Variants in IGF2BP2 observed in about 807,000 individuals in gnomAD.
IGF2BP2 encodes the protein insulin-like growth factor 2 mRNA-binding protein 2.
A neutral mutation model predicts 75.8 loss-of-function variants in IGF2BP2; 17 were observed. The observed-to-expected ratio is 0.22, with a 90% confidence interval of 0.15 to 0.34. IGF2BP2 has a LOEUF of 0.34. Ranked by LOEUF, IGF2BP2 falls within the 10% of genes least tolerant of loss-of-function variation. The pLI is 1.00. For missense variants in IGF2BP2, 516 were observed against 772.4 expected (o/e 0.67, Z 3.93); for synonymous variants, 288 against 295.6 (o/e 0.97, Z 0.26).
At chr3:185,782,403 A>G (rs1735329923) in intron 2 of IGF2BP2, among the ~76,000 whole-genome samples, 1 of 152,112 alleles carries the variant, frequency 6.6e-6, no homozygotes, top group African/African-American at 2.4e-5. Flanking sequence ...CAACTAGACT[A>G]GAAGCATCAT....
At chr3:185,679,447 TTA>T (rs1379127142) in intron 7 of IGF2BP2, among the ~76,000 whole-genome samples, 1 of 152,184 alleles carries the variant, frequency 6.6e-6, no homozygotes. Flanking sequence ...TAACATAGAT[TTA>T]TAGTTAAAAA....
At position 185,687,061 on chromosome 3, in the gene IGF2BP2, T is replaced by C; in HGVS notation, c.808A>G (p.Lys270Glu). 6.2e-7 allele frequency: 1 copy of C among 1,612,380 alleles called. No individual in the cohort carries two copies. Among genetic ancestry groups the C allele is most frequent in the Non-Finnish European group, 8.5e-7 (1 of 1,179,778 alleles). The change falls in exon 7 of 16, where the codon AAA becomes GAA. Residue 270 changes from lysine (K) to glutamate (E), a missense_variant. Lys to Glu is a moderately conservative substitution (Grantham distance 56). Transcript: ENST00000382199. ...EIMQKEADET[K>E]LAEEIPLKIL... The stretch of plus-strand genomic sequence containing the variant: ...GGGCATTGCATGCAAACTTACAGTT[T>C]GGTCTCATCTGCCTCTTTCTGCATG...
intron 2 of IGF2BP2, among the ~76,000 whole-genome samples, chr3:185,707,490 G>A (rs1303141725): frequency 6.6e-6 from 1 of 151,436 alleles, no homozygotes; most frequent in African/African-American, 2.4e-5. Flanking sequence ...TGTATATTTA[G>A]TAGAGACGGG....
At chr3:185,691,390 G>A (rs567287855) in intron 5 of IGF2BP2, among the ~76,000 whole-genome samples, 7 of 152,198 alleles carry the variant, frequency 4.6e-5, no homozygotes, top group East Asian at 1.9e-4. Flanking sequence ...GAGCCACCAC[G>A]CCTGGCCTGA....
At chr3:185,768,821 C>G (rs1733463055) in intron 2 of IGF2BP2, among the ~76,000 whole-genome samples, 1 of 152,116 alleles carries the variant, frequency 6.6e-6, no homozygotes, top group Non-Finnish European at 1.5e-5. Context: ...CACCTGAGGT[C>G]AGGGAGACTA....
chr3:185,742,519 T>C (rs889506301), intron 2 of IGF2BP2, among the ~76,000 whole-genome samples: 5 of 151,310 alleles, frequency 3.3e-5, no homozygotes, highest in Non-Finnish European at 4.4e-5. Context: ...TAGCCAAGCG[T>C]AGTGGTGCAC....
At chr3:185,801,832 T>TA (rs1281217770) in intron 2 of IGF2BP2, among the ~76,000 whole-genome samples, 1 of 152,210 alleles carries the variant, frequency 6.6e-6, no homozygotes, top group South Asian at 2.1e-4. Flanking sequence ...GAATACTATG[T>TA]AGCCATAAAA....
At chr3:185,649,612 G>T (rs956878826) in intron 13 of IGF2BP2, 78 bp from the exon 14 acceptor site, 35 of 1,570,746 alleles carry the variant, frequency 2.2e-5, no homozygotes, top group South Asian at 1.2e-4. Context: ...AAGGGCACTG[G>T]AGAGTCCAGA....
intron 10 of IGF2BP2, among the ~76,000 whole-genome samples, chr3:185,664,619 A>T (rs1716992450): frequency 6.6e-6 from 1 of 152,228 alleles, no homozygotes; most frequent in Non-Finnish European, 1.5e-5. Context: ...GAACAATCAG[A>T]GAACCAGAGT....
chr3:185,715,460 C>G (rs1725451977), intron 2 of IGF2BP2, among the ~76,000 whole-genome samples: 1 of 152,174 alleles, frequency 6.6e-6, no homozygotes, highest in Non-Finnish European at 1.5e-5. Context: ...CAGGTAAGCA[C>G]AGCCAGCAGC....
At chr3:185,801,784 T>C (rs1022572985) in intron 2 of IGF2BP2, among the ~76,000 whole-genome samples, 8 of 152,072 alleles carry the variant, frequency 5.3e-5, no homozygotes, top group East Asian at 1.9e-4. Flanking sequence ...CCATCAATGA[T>C]AGACTGGATA....
intron 5 of IGF2BP2, among the ~76,000 whole-genome samples, chr3:185,689,829 G>A (rs1721690424): frequency 6.6e-6 from 1 of 151,190 alleles, no homozygotes; most frequent in East Asian, 1.9e-4. Context: ...TTAGCCGGGC[G>A]TAGTGGCGGG....
intron 2 of IGF2BP2, chr3:185,717,973 T>C (rs888469792): frequency 2.0e-5 from 3 of 152,252 alleles, no homozygotes; most frequent in Non-Finnish European, 4.4e-5. Context: ...CAGCTGGGCA[T>C]GTCCCAGACA....
At chr3:185,684,096 G>A (rs1294921450) in intron 7 of IGF2BP2, among the ~76,000 whole-genome samples, 1 of 152,202 alleles carries the variant, frequency 6.6e-6, no homozygotes, top group Non-Finnish European at 1.5e-5. Context: ...AGCTGCATTA[G>A]AATGTAACTT....
At chr3:185,817,141 T>C (rs1194392535) in intron 2 of IGF2BP2, among the ~76,000 whole-genome samples, 1 of 152,198 alleles carries the variant, frequency 6.6e-6, no homozygotes, top group Admixed American at 6.5e-5. Flanking sequence ...TCCTTGACAC[T>C]AAACAGAATG....
chr3:185,778,265 A>C (rs958774354), intron 2 of IGF2BP2, among the ~76,000 whole-genome samples: 3 of 151,994 alleles, frequency 2.0e-5, no homozygotes, highest in African/African-American at 4.8e-5. Context: ...ACTCACACAC[A>C]CCCCCACACT....
chr3:185,736,643 G>A (rs974021462), intron 2 of IGF2BP2, among the ~76,000 whole-genome samples: 10 of 152,306 alleles, frequency 6.6e-5, no homozygotes, highest in East Asian at 5.8e-4. Context: ...TCTGCATCTT[G>A]CTCACAACCT....
intron 2 of IGF2BP2, among the ~76,000 whole-genome samples, chr3:185,706,529 G>A (rs1724045774): frequency 6.6e-6 from 1 of 152,178 alleles, no homozygotes; most frequent in South Asian, 2.1e-4. Flanking sequence ...AGATGGTGAA[G>A]GAATTCCTCT....
intron 2 of IGF2BP2, among the ~76,000 whole-genome samples, chr3:185,785,488 C>T (rs916005838): frequency 2.6e-5 from 4 of 151,576 alleles, no homozygotes; most frequent in African/African-American, 9.7e-5. Flanking sequence ...GAGACTTAAG[C>T]ATTTGACAAA....
Sources: gnomAD v4.1 joint callset for allele counts (sites outside exome capture counted in the v4.1 genomes callset) on GRCh38, gnomAD v4.1.1 for gene constraint, MANE v1.5 for transcripts, NCBI Gene and HGNC (gene_info 2026-07-23, HGNC 2026-07-21) for gene names.